MED16: variants seen among roughly 807,000 people sequenced by gnomAD.
MED16 encodes the protein mediator complex subunit 16, also known as mediator of RNA polymerase II transcription subunit 16.
A neutral mutation model predicts 84.4 loss-of-function variants in MED16; 81 were observed. That is an observed-to-expected ratio of 0.96 (90% CI 0.80 to 1.15). The LOEUF is 1.15. Among genes scored for constraint, MED16 ranks in the 50% most tolerant of loss-of-function variants. The pLI is 0.00. For synonymous variants in MED16, 897 were observed against 552.2 expected (o/e 1.62, Z -8.76); for missense variants, 1,585 against 1,245.9 (o/e 1.27, Z -4.10).
chr19:880,095 G>C lies in MED16; in HGVS notation c.1195C>G (p.Leu399Val), dbSNP rs560887615. ...CTGTAGAAGACGGCCATGGTCTGCAGTGAGAGCCGGTGCACGATGTGGACG... is the reference window on the plus strand; with the variant it reads ...CTGTAGAAGACGGCCATGGTCTGCACTGAGAGCCGGTGCACGATGTGGACG... ...GSVHIVHRLS[L>V]QTMAVFYSSA... The change falls in exon 8 of 16, where the codon CTG (leucine) becomes GTG (valine). Residue 399 changes from leucine to valine, a missense_variant. Leu to Val is a conservative substitution (Grantham distance 32, BLOSUM62 1). Coordinates refer to ENST00000325464, the MANE Select transcript of MED16 (RefSeq NM_005481.3). 1 of 1,610,734 alleles carries C rather than the reference G, an allele frequency of 6.2e-7. No individual in the cohort carries two copies. Among genetic ancestry groups the C allele is most frequent in the Non-Finnish European group, 8.5e-7 (1 of 1,179,426 alleles).
intron 8 of MED16, among the ~76,000 whole-genome samples, chr19:877,569 G>A (rs2036279968): frequency 6.6e-6 from 1 of 152,166 alleles, no homozygotes; most frequent in Non-Finnish European, 1.5e-5. Context: ...AGACAAGGCA[G>A]CGCAGGCAGG....
In MED16 at chr19:868,089, G is replaced by A. The variant is rs375750252; in HGVS notation, c.*12C>T. On this transcript the variant is annotated 3_prime_UTR_variant, in exon 16 of 16. Transcript: ENST00000325464. The stretch of plus-strand genomic sequence containing the variant: ...GCCGGGTCACCACAAGGTCCGCCTG[G>A]ACCCCCGGCCGTCACGGACGGTCCT... 2 of 1,598,168 alleles carry A rather than the reference G, an allele frequency of 1.3e-6. No homozygotes were observed. The highest frequency in any genetic ancestry group is 1.8e-5 in the Admixed American group (1 of 55,790).
Position 873,495 on chromosome 19 carries a change from C to A in MED16, c.1859G>T (p.Trp620Leu). ...CAGGTACAGCACGAAGTCGCCCACCCACTGCAAGAGCTGCTGCAGCGCCTG... is the reference window on the plus strand; with the variant it reads ...CAGGTACAGCACGAAGTCGCCCACCAACTGCAAGAGCTGCTGCAGCGCCTG... ...TLQALQQLLQ[W>L]VGDFVLYLLA... The change falls in exon 11 of 16, where the codon TGG (tryptophan) becomes TTG (leucine). Residue 620 changes from tryptophan to leucine, a missense_variant. Trp to Leu is a moderately conservative substitution (Grantham distance 61). Coordinates refer to ENST00000325464, the MANE Select transcript of MED16 (RefSeq NM_005481.3). 6.2e-7 allele frequency: 1 copy of A among 1,611,866 alleles called. No individual in the cohort carries two copies. The highest frequency in any genetic ancestry group is 1.1e-5 in the South Asian group (1 of 91,080).
At position 868,882 on chromosome 19, in the gene MED16, C is replaced by T. The variant is rs2035979433; in HGVS notation, c.2380G>A (p.Glu794Lys). The T allele has an allele frequency of 6.4e-7, 1 of 1,551,308 alleles. No individual in the cohort carries two copies. The highest frequency in any genetic ancestry group is 8.7e-7 in the Non-Finnish European group (1 of 1,150,846). Residue 794 changes from glutamate to lysine, a missense_variant, in exon 14 of 16, where the codon GAA becomes AAA. By Grantham distance (56) the Glu-to-Lys change is moderately conservative. Transcript: ENST00000325464. ...RLHLGACPTE[E>K]CKACTRCGCV... is the part of the protein sequence containing the mutation. ...CCTCACCTGGTGCAGGCCTTGCATT[C>T]CTCCGTGGGGCAAGCGCCAAGGTGC...
chr19:881,817 C>T lies in MED16; in HGVS notation c.986-103G>A, dbSNP rs542855231. ...CCTGGTGTGCAACCTGCCCAGGGCC[C>T]TTCCCAGGTCTCATGCCGCCCTGCT... On this transcript the variant is annotated intron_variant, in intron 6 of 15. Transcript: ENST00000325464. 8 of 1,381,782 alleles carry T rather than the reference C, an allele frequency of 5.8e-6. No individual in the cohort carries two copies. The East Asian group carries it at 1.9e-4, about 32-fold the overall frequency. The allele number at this position is 1,381,782 out of a possible 1,614,324, so 85.6% of individuals were successfully genotyped here. A position where few individuals can be genotyped will look rare whatever the true frequency, so the allele number is the denominator to read the frequency against.
chr19:886,936 G>T (rs111542276), intron 4 of MED16, among the ~76,000 whole-genome samples: 2 of 151,896 alleles, frequency 1.3e-5, no homozygotes, highest in African/African-American at 2.4e-5. Flanking sequence ...AAAATTAGCC[G>T]GGCATGGTAG....
Position 891,711 on chromosome 19 carries a change from G to T in MED16, c.-18-562C>A, listed in dbSNP as rs1362513068. On this transcript the variant is annotated intron_variant, in intron 1 of 15. Coordinates refer to ENST00000325464, the MANE Select transcript of MED16 (RefSeq NM_005481.3). ...GGCCGAGGCGGGGCTGAGTGTGACG[G>T]GGAACACCTGTGGCCGAGGCGGGGC... Among the ~76,000 whole-genome samples, 8 of 126,662 alleles carry T rather than the reference G, an allele frequency of 6.3e-5. No homozygotes were observed. In the East Asian group the frequency reaches 1.6e-3, roughly 26 times the overall value. 83.1% of individuals were successfully genotyped at this position (126,662 alleles called of 152,430 possible).
Position 868,167 on chromosome 19 carries a change from C to T in MED16, c.2568G>A (p.Gln856=). 1 of 1,611,410 alleles carries T rather than the reference C, an allele frequency of 6.2e-7. No homozygotes were observed. The highest frequency in any genetic ancestry group is 2.2e-5 in the East Asian group (1 of 44,842). Residue 856 remains glutamine, a synonymous_variant, in exon 16 of 16, where the codon CAG becomes CAA. Transcript: ENST00000325464. Reference sequence around the variant, plus strand: ...GGGTCCTGGGAGAGTGGTGTGTGGACTGCGGGCCCAGCTGGACAAAGGCAG... The same window carrying T: ...GGGTCCTGGGAGAGTGGTGTGTGGATTGCGGGCCCAGCTGGACAAAGGCAG... ...EAPAFVQLGP[Q]STHHSPRTPR...
Position 885,763 on chromosome 19 carries a change from C to T in MED16, c.879+7G>A, listed in dbSNP as rs762884165. On this transcript the variant is annotated splice_region_variant and intron_variant, in intron 5 of 15. Coordinates refer to ENST00000325464, the MANE Select transcript of MED16 (RefSeq NM_005481.3). Reference sequence around the variant, plus strand: ...GCCAGCCCACGTGATGGCCTGCGCCCGTTCACCTGCTCCGACATGTCCCGG... The same window carrying T: ...GCCAGCCCACGTGATGGCCTGCGCCTGTTCACCTGCTCCGACATGTCCCGG... The T allele has an allele frequency of 2.0e-5, 32 of 1,603,688 alleles. No homozygotes were observed. Among genetic ancestry groups the T allele is most frequent in the African/African-American group, 2.7e-5 (2 of 74,884 alleles).
chr19:868,600 C>T (rs2035972383), intron 14 of MED16, 101 bp from the exon 15 acceptor site: 2 of 1,470,324 alleles, frequency 1.4e-6, no homozygotes, highest in African/African-American at 1.4e-5. Context: ...TGCTCGCCGT[C>T]CCTCACGCCT....
At position 885,789 on chromosome 19, in the gene MED16, GCCAGGAACTTGAGGTGGGT is replaced by G. The variant is rs1240083478; in HGVS notation, c.841_859del (p.Thr281ProfsTer32). 6.2e-7 allele frequency: 1 copy of G among 1,610,574 alleles called. No homozygotes were observed. Among genetic ancestry groups the G allele is most frequent in the Non-Finnish European group, 8.5e-7 (1 of 1,179,762 alleles). ...GTTCACCTGCTCCGACATGTCCCGG[GCCAGGAACTTGAGGTGGGT>G]GATGGCGGGAAACTTGTCCTTGCGG... On this transcript the variant is annotated frameshift_variant, in exon 5 of 16. Transcript: ENST00000325464. LOFTEE classifies it high-confidence loss of function.
intron 10 of MED16, 69 bp from the exon 11 acceptor site, chr19:873,651 C>T (rs2036156391): frequency 5.1e-6 from 8 of 1,574,080 alleles, no homozygotes; most frequent in Admixed American, 3.4e-5. Flanking sequence ...CTGCACCCCT[C>T]GGTCCTTCGA....
intron 9 of MED16, among the ~76,000 whole-genome samples, chr19:875,796 C>T (rs1363332965): frequency 1.3e-5 from 2 of 152,166 alleles, no homozygotes; most frequent in Non-Finnish European, 2.9e-5. Context: ...CCAGAGGCTG[C>T]TCCAGCCCCC....
At chr19:886,496 G>C (rs981021279) in intron 4 of MED16, among the ~76,000 whole-genome samples, 3 of 152,250 alleles carry the variant, frequency 2.0e-5, no homozygotes, top group African/African-American at 7.2e-5. Flanking sequence ...GGGACAGACA[G>C]CAGCATGCTC....
At chr19:871,598 A>G (rs770498587) in intron 12 of MED16, 128 of 1,595,788 alleles carry the variant, frequency 8.0e-5, no homozygotes, top group Non-Finnish European at 1.1e-4. Context: ...GAGACAGCAA[A>G]CAGGTGCCTG....
intron 10 of MED16, 114 bp from the exon 11 acceptor site, chr19:873,696 AG>A (rs2036157752): frequency 1.6e-6 from 2 of 1,256,392 alleles, no homozygotes; most frequent in Non-Finnish European, 2.2e-6. Context: ...CCAGGACACA[AG>A]GGGACCCACA....
At position 876,952 on chromosome 19, in the gene MED16, C is replaced by T. The variant is rs530755183; in HGVS notation, c.1560+22G>A. On this transcript the variant is annotated intron_variant, in intron 9 of 15. Transcript: ENST00000325464. Reference sequence around the variant, plus strand: ...ACAGGGCCCCCACCTGCCACGGGGCCCCACCTGCCACGGGCCCCCACCTGC... The same window carrying T: ...ACAGGGCCCCCACCTGCCACGGGGCTCCACCTGCCACGGGCCCCCACCTGC... 677 of 1,602,450 alleles carry T rather than the reference C, an allele frequency of 4.2e-4. 12 individuals carry two copies. In the South Asian group the frequency reaches 7.2e-3, roughly 17 times the overall value.
chr19:881,727 G>T lies in MED16; in HGVS notation c.986-13C>A, dbSNP rs770807105. ...TGTTTGTCGCCAACTGAAAAATCAG[G>T]GGCAGGAAAACAGGAAGGCAATGGA... On this transcript the variant is annotated splice_polypyrimidine_tract_variant and intron_variant, in intron 6 of 15. Coordinates refer to ENST00000325464, the MANE Select transcript of MED16 (RefSeq NM_005481.3). 1 of 1,607,496 alleles carries T rather than the reference G, an allele frequency of 6.2e-7. No individual in the cohort carries two copies. The highest frequency in any genetic ancestry group is 1.1e-5 in the South Asian group (1 of 90,788).
At chr19:882,225 TGGCCG>T (rs2036435514) in intron 6 of MED16, among the ~76,000 whole-genome samples, 1 of 152,172 alleles carries the variant, frequency 6.6e-6, no homozygotes, top group Non-Finnish European at 1.5e-5. Context: ...AAATGTGACA[TGGCCG>T]GGCACAGCAG....
Sources: allele counts gnomAD v4.1 joint callset (sites outside exome capture counted in the v4.1 genomes callset), GRCh38; gene constraint gnomAD v4.1.1; transcripts MANE v1.5; gene names NCBI Gene and HGNC (gene_info 2026-07-23, HGNC 2026-07-21).